Variants in SLC24A2 observed in about 807,000 individuals in gnomAD.
SLC24A2 encodes sodium/potassium/calcium exchanger 2.
A neutral mutation model predicts 62.0 loss-of-function variants in SLC24A2; 36 were observed. That is an observed-to-expected ratio of 0.58 (90% CI 0.44 to 0.77). SLC24A2 has a LOEUF of 0.77. Ranked by LOEUF, SLC24A2 falls within the 30% of genes least tolerant of loss-of-function variation. SLC24A2 has a pLI of 0.00. For synonymous variants in SLC24A2, 358 were observed against 294.0 expected (o/e 1.22, Z -2.23); for missense variants, 846 against 817.9 (o/e 1.03, Z -0.42).
the SLC24A2 span, among the ~76,000 whole-genome samples, chr9:20,164,204 A>C: frequency 2.6e-5 from 4 of 152,202 alleles, no homozygotes; most frequent in Admixed American, 2.0e-4. Flanking sequence ...CAACCTACAA[A>C]ATGGGAGAAA....
chr9:19,820,028 CATATATAT>C, the SLC24A2 span, among the ~76,000 whole-genome samples: 1 of 54,586 alleles, frequency 1.8e-5, no homozygotes, highest in African/African-American at 6.5e-5. Flanking sequence ...TATATATACA[CATATATAT>C]ATATACATAT....
intron 8 of SLC24A2, among the ~76,000 whole-genome samples, chr9:19,536,425 C>T (rs1182723553): frequency 1.8e-5 from 2 of 114,142 alleles, no homozygotes; most frequent in Non-Finnish European, 3.4e-5. Flanking sequence ...TTGTTCAATT[C>T]CCACCTATGA....
At chr9:20,149,908 C>T in the SLC24A2 span, among the ~76,000 whole-genome samples, 68 of 152,070 alleles carry the variant, frequency 4.5e-4, no homozygotes, top group Admixed American at 1.2e-3. Flanking sequence ...AGGCCAGTCA[C>T]GGGTGATAGT....
intron 2 of SLC24A2, among the ~76,000 whole-genome samples, chr9:19,730,108 C>A (rs1189615999): frequency 6.6e-6 from 1 of 152,146 alleles, no homozygotes; most frequent in African/African-American, 2.4e-5. Context: ...CACAGCAGCA[C>A]AGGTGTCTCC....
chr9:20,022,173 G>C, the SLC24A2 span, among the ~76,000 whole-genome samples: 1 of 152,006 alleles, frequency 6.6e-6, no homozygotes, highest in Non-Finnish European at 1.5e-5. Flanking sequence ...CTCTCCCTCT[G>C]GGTCTAAAAT....
intron 2 of SLC24A2, among the ~76,000 whole-genome samples, chr9:19,702,404 T>C (rs759554737): frequency 9.2e-5 from 14 of 152,234 alleles, no homozygotes; most frequent in Non-Finnish European, 2.1e-4. Flanking sequence ...TACATTTGTA[T>C]CTAACTTCAT....
At chr9:20,296,937 T>G in the SLC24A2 span, among the ~76,000 whole-genome samples, 1 of 152,260 alleles carries the variant, frequency 6.6e-6, no homozygotes, top group Non-Finnish European at 1.5e-5. Flanking sequence ...CTATGAAGTA[T>G]GCTGTCATTC....
the SLC24A2 span, among the ~76,000 whole-genome samples, chr9:20,069,029 C>T: frequency 1.5e-5 from 2 of 136,902 alleles, no homozygotes; most frequent in East Asian, 5.0e-4. Context: ...TATACTCATC[C>T]TCTTTTCACC....
chr9:19,821,701 T>C, the SLC24A2 span, among the ~76,000 whole-genome samples: 2 of 152,146 alleles, frequency 1.3e-5, no homozygotes, highest in African/African-American at 4.8e-5. Flanking sequence ...AAGATTTAAG[T>C]TGAAACAATG....
intron 7 of SLC24A2, among the ~76,000 whole-genome samples, chr9:19,567,690 CA>C (rs113815958): frequency 0.095 from 13,590 of 142,442 alleles, 969 homozygotes; most frequent in African/African-American, 0.22. Flanking sequence ...TTAAAATAAC[CA>C]AAAAAAAAAA....
At chr9:20,208,108 G>A in the SLC24A2 span, among the ~76,000 whole-genome samples, 2 of 152,180 alleles carry the variant, frequency 1.3e-5, no homozygotes, top group Non-Finnish European at 2.9e-5. Context: ...AGGAAAAATA[G>A]TGATACATCA....
At chr9:20,267,434 G>C in the SLC24A2 span, among the ~76,000 whole-genome samples, 3 of 152,138 alleles carry the variant, frequency 2.0e-5, no homozygotes, top group African/African-American at 7.2e-5. Context: ...GTGCTTGTCT[G>C]GCCAGGACCC....
At chr9:20,079,299 TG>T in the SLC24A2 span, among the ~76,000 whole-genome samples, 1 of 152,208 alleles carries the variant, frequency 6.6e-6, no homozygotes, top group African/African-American at 2.4e-5. Flanking sequence ...TATGGTAATT[TG>T]TTATGACACC....
At chr9:19,773,472 A>G (rs1000402368) in intron 2 of SLC24A2, among the ~76,000 whole-genome samples, 1 of 152,210 alleles carries the variant, frequency 6.6e-6, no homozygotes, top group Non-Finnish European at 1.5e-5. Flanking sequence ...ACCTGAGGGG[A>G]CAGGAGGGTT....
intron 2 of SLC24A2, among the ~76,000 whole-genome samples, chr9:19,637,871 C>T (rs961533299): frequency 2.6e-5 from 4 of 152,150 alleles, no homozygotes; most frequent in Admixed American, 1.3e-4. Flanking sequence ...GTGTGGAATA[C>T]ACAAATGCAA....
At chr9:19,842,941 AATT>A in the SLC24A2 span, among the ~76,000 whole-genome samples, 3 of 152,112 alleles carry the variant, frequency 2.0e-5, no homozygotes, top group Admixed American at 6.6e-5. Context: ...ATTATCACTT[AATT>A]ATTATGTTTT....
At chr9:19,607,480 G>T (rs1243553763) in intron 4 of SLC24A2, among the ~76,000 whole-genome samples, 1 of 152,124 alleles carries the variant, frequency 6.6e-6, no homozygotes, top group African/African-American at 2.4e-5. Flanking sequence ...ACATTGGGAG[G>T]AGGCCAAGGC....
At chr9:20,079,387 G>A in the SLC24A2 span, among the ~76,000 whole-genome samples, 1 of 151,986 alleles carries the variant, frequency 6.6e-6, no homozygotes, top group African/African-American at 2.4e-5. Flanking sequence ...ACAGTTTTTT[G>A]CATTACTTTT....
chr9:19,579,910 A>T (rs575174935), intron 5 of SLC24A2, among the ~76,000 whole-genome samples: 1 of 152,312 alleles, frequency 6.6e-6, no homozygotes, highest in East Asian at 1.9e-4. Flanking sequence ...GGCCACTGGC[A>T]CTCATGGGCT....
Sources: allele counts gnomAD v4.1 joint callset (sites outside exome capture counted in the v4.1 genomes callset), GRCh38; gene constraint gnomAD v4.1.1; transcripts MANE v1.5; gene names NCBI Gene and HGNC (gene_info 2026-07-23, HGNC 2026-07-21).